The following RPS10 variants were observed in gnomAD, a reference collection of about 807,000 sequenced individuals.
RPS10 encodes the protein ribosomal protein S10, also known as small ribosomal subunit protein eS10.
Under a neutral mutation model 22.6 loss-of-function variants are expected in RPS10, and 2 were observed. That is an observed-to-expected ratio of 0.09 (90% CI 0.04 to 0.28). The LOEUF (loss-of-function observed/expected upper bound fraction) is 0.28, where lower values mean the gene tolerates loss of function less well. Ranked by LOEUF, RPS10 falls within the 10% of genes least tolerant of loss-of-function variation. The probability of loss-of-function intolerance (pLI) is 1.00; values close to 1 mark genes in which losing one functional copy is unlikely to be tolerated. For synonymous variants in RPS10, 70 were observed against 75.9 expected (o/e 0.92, Z 0.40); for missense variants, 137 against 222.2 (o/e 0.62, Z 2.44).
intron 3 of RPS10, among the ~76,000 whole-genome samples, chr6:34,423,969 T>C (rs1023439124): frequency 3.3e-5 from 5 of 151,878 alleles, no homozygotes; most frequent in African/African-American, 1.2e-4. Context: ...CAGGGGAACC[T>C]GGGCCCTCTG....
At chr6:34,418,134 AAAT>A (rs1292576245) in intron 5 of RPS10, 3 of 1,448,156 alleles carry the variant, frequency 2.1e-6, no homozygotes, top group Non-Finnish European at 2.7e-6. Flanking sequence ...ATGAAACAGA[AAAT>A]ACTAGTAGGC....
intron 4 of RPS10, among the ~76,000 whole-genome samples, chr6:34,420,060 TATTTG>T (rs1413570204): frequency 2.0e-5 from 3 of 152,176 alleles, no homozygotes; most frequent in Admixed American, 6.5e-5. Flanking sequence ...CTTTTACAAA[TATTTG>T]ATTAAATAAA....
chr6:34,425,276 G>A (rs1765916702), intron 1 of RPS10, 55 bp from the exon 2 acceptor site: 4 of 1,552,566 alleles, frequency 2.6e-6, no homozygotes, highest in South Asian at 1.2e-5. Flanking sequence ...GCCGGGGCCC[G>A]GTAATCAAGT....
intron 3 of RPS10, among the ~76,000 whole-genome samples, chr6:34,423,713 A>G (rs1026013942): frequency 2.6e-5 from 4 of 151,998 alleles, no homozygotes; most frequent in Non-Finnish European, 5.9e-5. Flanking sequence ...GTGAAACCCC[A>G]TCTCCACTAA....
intron 3 of RPS10, among the ~76,000 whole-genome samples, chr6:34,422,607 G>A (rs996668480): frequency 2.0e-5 from 3 of 150,466 alleles, no homozygotes; most frequent in Non-Finnish European, 4.4e-5. Context: ...GAGCCACCAC[G>A]CCCAGGCTAA....
chr6:34,419,582 AT>A (rs34690951), intron 4 of RPS10, among the ~76,000 whole-genome samples: 143,873 of 147,414 alleles, frequency 0.98, 70,226 homozygotes, highest in Non-Finnish European at 0.99. Flanking sequence ...TTATTTACTT[AT>A]TTTTTTTTTT....
intron 4 of RPS10, 128 bp downstream of exon 4, chr6:34,421,602 G>C: frequency 9.6e-7 from 1 of 1,037,494 alleles, no homozygotes; most frequent in Non-Finnish European, 1.5e-6. Context: ...GCTCTGCAGA[G>C]TGAAACCAAG....
chr6:34,424,159 A>AAAAAAAAAAAAAAAAAC (rs1765869138), intron 3 of RPS10: 1 of 150,560 alleles, frequency 6.6e-6, no homozygotes, highest in African/African-American at 2.5e-5. Flanking sequence ...AAAAAAAAAA[A>AAAAAAAAAAAAAAAAAC]AAAAAGCAAC....
intron 3 of RPS10, among the ~76,000 whole-genome samples, chr6:34,422,551 G>A (rs1765803127): frequency 6.6e-6 from 1 of 152,128 alleles, no homozygotes; most frequent in African/African-American, 2.4e-5. Context: ...CTGACCTCAA[G>A]TGACCCTCCC....
intron 3 of RPS10, 26 bp downstream of exon 3, chr6:34,424,643 T>C (rs537531787): frequency 1.2e-4 from 194 of 1,613,874 alleles, no homozygotes; most frequent in Middle Eastern, 5.0e-4. Flanking sequence ...TTCAAATAGC[T>C]GAAGGGATTT....
intron 3 of RPS10, among the ~76,000 whole-genome samples, chr6:34,422,225 T>C (rs558817335): frequency 6.6e-6 from 1 of 152,300 alleles, no homozygotes; most frequent in Admixed American, 6.5e-5. Flanking sequence ...AAGTACATAA[T>C]CTAGGGGTTA....
In RPS10 at chr6:34,420,469, C is replaced by T. The variant is rs960301138; in HGVS notation, c.400+1261G>A. ...CTGACCTCAAGTGATCCACCTGCCT[C>T]GGCCTCCCAAAGTGCTGGGATTACA... On this transcript the variant is annotated intron_variant, in intron 4 of 5. Coordinates refer to ENST00000648437, the MANE Select transcript of RPS10 (RefSeq NM_001014.5). 5.9e-5 allele frequency among the ~76,000 whole-genome samples: 9 copies of T among 152,152 alleles called. No homozygotes were observed. In the East Asian group the frequency reaches 7.8e-4, roughly 13 times the overall value.
At position 34,426,033 on chromosome 6, in the gene RPS10, T is replaced by C. The variant is rs1248048320; in HGVS notation, c.-2A>G. On this transcript the variant is annotated splice_region_variant and 5_prime_UTR_variant, in exon 1 of 6. Transcript: ENST00000648437. ...AACTCGAACGCCACAGAAACTCACC[T>C]CTGCGGCTGCAGGGTCCGGTACCGG... The C allele has an allele frequency of 6.6e-6, 1 of 152,442 alleles. No individual in the cohort carries two copies. Among genetic ancestry groups the C allele is most frequent in the East Asian group, 1.9e-4 (1 of 5,192 alleles). 9.4% of individuals were successfully genotyped at this position (152,442 alleles called of 1,614,324 possible).
intron 4 of RPS10, among the ~76,000 whole-genome samples, chr6:34,419,122 G>A (rs1231679470): frequency 1.4e-4 from 22 of 151,896 alleles, no homozygotes; most frequent in African/African-American, 5.3e-4. Flanking sequence ...AGGTTCAAGC[G>A]ATTCTCCTGC....
rs1161772091 is a variant in RPS10 at position 34,418,346 on chromosome 6, AAAAC to A, written c.456+19_456+22del. 1.9e-6 allele frequency: 3 copies of A among 1,614,084 alleles called. No homozygotes were observed. Among genetic ancestry groups the A allele is most frequent in the Non-Finnish European group, 2.5e-6 (3 of 1,179,952 alleles). On this transcript the variant is annotated intron_variant, in intron 5 of 5. Coordinates refer to ENST00000648437, the MANE Select transcript of RPS10 (RefSeq NM_001014.5). The stretch of plus-strand genomic sequence containing the variant: ...GGCCAGAACAAGTGATGGCTCATGG[AAAAC>A]AAATAGGAAGATACTCACAAACTGG...
At chr6:34,425,644 C>A (rs1163626069) in intron 1 of RPS10, 4 of 269,006 alleles carry the variant, frequency 1.5e-5, no homozygotes, top group East Asian at 9.2e-5. Context: ...GCGGCAGACC[C>A]CAAACCAAAG....
chr6:34,419,868 G>A (rs1307261986), intron 4 of RPS10, among the ~76,000 whole-genome samples: 2 of 152,188 alleles, frequency 1.3e-5, no homozygotes, highest in African/African-American at 4.8e-5. Flanking sequence ...GTGGGCCACC[G>A]CGCCCGGCCC....
At chr6:34,419,929 C>A (rs972856455) in intron 4 of RPS10, among the ~76,000 whole-genome samples, 1 of 152,004 alleles carries the variant, frequency 6.6e-6, no homozygotes, top group East Asian at 1.9e-4. Context: ...GTTGCCCAGG[C>A]TGGAATGTAG....
intron 1 of RPS10, chr6:34,425,445 G>A: frequency 1.8e-6 from 1 of 553,428 alleles, no homozygotes; most frequent in Non-Finnish European, 3.3e-6. Context: ...CAGGATAGTG[G>A]TGCACATTCG....
Sources: allele counts gnomAD v4.1 joint callset (sites outside exome capture counted in the v4.1 genomes callset), GRCh38; gene constraint gnomAD v4.1.1; transcripts MANE v1.5; gene names NCBI Gene and HGNC (gene_info 2026-07-23, HGNC 2026-07-21).